Variants in TRIM51G observed in about 807,000 individuals in gnomAD.
TRIM51G encodes the protein tripartite motif-containing 51G, also known as tripartite motif-containing protein 51G.
the TRIM51G span, chr11:48,978,740 T>C: frequency 1.7e-6 from 1 of 580,728 alleles, no homozygotes. Flanking sequence ...CCCAACCAAG[T>C]AGCATTAGTT....
At chr11:48,982,582 G>A in the TRIM51G span, among the ~76,000 whole-genome samples, 3 of 151,982 alleles carry the variant, frequency 2.0e-5, no homozygotes, top group African/African-American at 7.2e-5. Context: ...AAAGGGCAGA[G>A]AGAAGGCAGT....
At chr11:48,980,111 A>C in the TRIM51G span, among the ~76,000 whole-genome samples, 103 of 152,064 alleles carry the variant, frequency 6.8e-4, no homozygotes, top group African/African-American at 2.2e-3. Flanking sequence ...TTCTCATTTC[A>C]ATTGCAAGAT....
At chr11:48,982,680 T>C in the TRIM51G span, among the ~76,000 whole-genome samples, 1 of 151,800 alleles carries the variant, frequency 6.6e-6, no homozygotes, top group Admixed American at 6.6e-5. Flanking sequence ...TGTGTTCAAC[T>C]TCTCAGACTC....
At chr11:48,980,593 T>C in the TRIM51G span, among the ~76,000 whole-genome samples, 10 of 152,076 alleles carry the variant, frequency 6.6e-5, no homozygotes, top group East Asian at 1.4e-3. Context: ...ATAACACATG[T>C]GTCCAGAATT....
At chr11:48,980,889 A>C in the TRIM51G span, 1 of 480,822 alleles carries the variant, frequency 2.1e-6, no homozygotes, top group South Asian at 1.5e-5. Flanking sequence ...GAGAAGGTAG[A>C]GTAACACACT....
chr11:48,979,481 AATG>A, the TRIM51G span, among the ~76,000 whole-genome samples: 5 of 152,214 alleles, frequency 3.3e-5, no homozygotes, highest in Middle Eastern at 6.8e-3. Context: ...TTATATGACA[AATG>A]ATGACATGAC....
the TRIM51G span, among the ~76,000 whole-genome samples, chr11:48,980,544 A>G: frequency 4.6e-5 from 7 of 152,158 alleles, no homozygotes; most frequent in Non-Finnish European, 1.0e-4. Flanking sequence ...ATGCTGACTC[A>G]GCCTTAGAAG....
the TRIM51G span, among the ~76,000 whole-genome samples, chr11:48,979,467 A>ATTGGG: frequency 6.6e-6 from 1 of 152,072 alleles, no homozygotes; most frequent in African/African-American, 2.4e-5. Flanking sequence ...GTTATGTAAA[A>ATTGGG]CCATTATATG....
the TRIM51G span, chr11:48,981,789 C>G: frequency 7.7e-7 from 1 of 1,302,426 alleles, no homozygotes; most frequent in African/African-American, 1.5e-5. Flanking sequence ...ATATTTTCCT[C>G]TTGACAGTGC....
chr11:48,975,535 G>A, the TRIM51G span: 37 of 1,398,408 alleles, frequency 2.6e-5, no homozygotes, highest in African/African-American at 5.1e-4. Context: ...CCAGAGAGGA[G>A]GTGAGAAGGA....
the TRIM51G span, chr11:48,975,547 C>A: frequency 7.2e-7 from 1 of 1,397,334 alleles, no homozygotes; most frequent in Admixed American, 1.7e-5. Context: ...TGAGAAGGAG[C>A]AATTAGGGAT....
At chr11:48,976,925 G>C in the TRIM51G span, among the ~76,000 whole-genome samples, 1 of 151,996 alleles carries the variant, frequency 6.6e-6, no homozygotes, top group Admixed American at 6.6e-5. Flanking sequence ...GTTATAAATT[G>C]GACTATAAAC....
the TRIM51G span, chr11:48,978,272 T>A: frequency 1.8e-5 from 8 of 455,764 alleles, no homozygotes; most frequent in East Asian, 4.3e-4. Flanking sequence ...CAGTGTTCCC[T>A]CCTGGAAAGC....
At chr11:48,979,049 A>C in the TRIM51G span, 2 of 935,588 alleles carry the variant, frequency 2.1e-6, no homozygotes, top group Admixed American at 3.4e-5. Context: ...GGAAAAATGC[A>C]ACCATCTTAT....
At chr11:48,977,720 T>C in the TRIM51G span, among the ~76,000 whole-genome samples, 1 of 152,170 alleles carries the variant, frequency 6.6e-6, no homozygotes, top group African/African-American at 2.4e-5. Flanking sequence ...CACTTTTCAC[T>C]GCTAAAATAC....
the TRIM51G span, chr11:48,981,693 C>T: frequency 1.3e-6 from 2 of 1,598,380 alleles, no homozygotes; most frequent in Non-Finnish European, 1.7e-6. Context: ...TTCCAGAATT[C>T]ATGTTTCTGA....
chr11:48,975,575 T>G, the TRIM51G span: 1 of 1,384,198 alleles, frequency 7.2e-7, no homozygotes, highest in Non-Finnish European at 1.0e-6. Flanking sequence ...ATCAGGGAAC[T>G]TCTATCCACA....
chr11:48,980,400 T>C, the TRIM51G span, among the ~76,000 whole-genome samples: 1 of 152,172 alleles, frequency 6.6e-6, no homozygotes, highest in African/African-American at 2.4e-5. Flanking sequence ...TTTCCCTTTA[T>C]ATGTGTTATG....
the TRIM51G span, among the ~76,000 whole-genome samples, chr11:48,976,148 A>G: frequency 1.9e-4 from 29 of 152,298 alleles, no homozygotes; most frequent in East Asian, 5.2e-3. Context: ...TTAAGAAAGT[A>G]TAAGGATGAT....
Sources: gnomAD v4.1 joint callset for allele counts (sites outside exome capture counted in the v4.1 genomes callset) on GRCh38, gnomAD v4.1.1 for gene constraint, MANE v1.5 for transcripts, NCBI Gene and HGNC (gene_info 2026-07-23, HGNC 2026-07-21) for gene names.